Variants in DIS3L2 observed in about 807,000 individuals in gnomAD.
DIS3L2 encodes DIS3-like exonuclease 2.
DIS3L2 carries 34 observed loss-of-function variants against 97.5 expected under a neutral mutation model. That is an observed-to-expected ratio of 0.35 (90% CI 0.27 to 0.46). The LOEUF is 0.46. DIS3L2 is among the 20% of genes least tolerant of loss of function. The probability of loss-of-function intolerance (pLI) is 1.00; values close to 1 mark genes in which losing one functional copy is unlikely to be tolerated. For missense variants in DIS3L2, 1,038 were observed against 1,146.0 expected (o/e 0.91, Z 1.36); for synonymous variants, 435 against 445.2 (o/e 0.98, Z 0.29).
intron 7 of DIS3L2, 61 bp downstream of exon 7, chr2:232,130,780 A>G (rs762016460): frequency 6.3e-7 from 1 of 1,596,030 alleles, no homozygotes; most frequent in Non-Finnish European, 8.5e-7. Flanking sequence ...TACTTGTTGA[A>G]GATCTCGTGT....
At chr2:232,251,285 A>T (rs1052470298) in intron 12 of DIS3L2, among the ~76,000 whole-genome samples, 5 of 152,192 alleles carry the variant, frequency 3.3e-5, no homozygotes, top group Admixed American at 2.0e-4. Context: ...GAATTTTTTT[A>T]AAAAAGAAGG....
At chr2:232,103,951 G>A (rs571110456) in intron 6 of DIS3L2, among the ~76,000 whole-genome samples, 1 of 152,144 alleles carries the variant, frequency 6.6e-6, no homozygotes, top group Admixed American at 6.5e-5. Flanking sequence ...ATTTTCAGTT[G>A]TTTAGTTTCA....
At chr2:232,174,377 GGAGTTTGA>G (rs1190952724) in intron 9 of DIS3L2, among the ~76,000 whole-genome samples, 1 of 151,962 alleles carries the variant, frequency 6.6e-6, no homozygotes, top group African/African-American at 2.4e-5. Context: ...CTTGAGATCA[GGAGTTTGA>G]GACCAGCCTG....
At chr2:232,081,259 TG>T (rs1389572660) in intron 5 of DIS3L2, among the ~76,000 whole-genome samples, 2 of 152,172 alleles carry the variant, frequency 1.3e-5, no homozygotes, top group East Asian at 3.8e-4. Context: ...TATGTATCAG[TG>T]GGTTCAGGTA....
chr2:231,982,280 C>G (rs1489424562), intron 1 of DIS3L2, among the ~76,000 whole-genome samples: 1 of 152,064 alleles, frequency 6.6e-6, no homozygotes, highest in Non-Finnish European at 1.5e-5. Flanking sequence ...CTTTGCTTTC[C>G]TTACTTGGCT....
chr2:232,334,053 G>T (rs547392606), intron 17 of DIS3L2, 66 bp downstream of exon 17: 3 of 1,545,344 alleles, frequency 1.9e-6, no homozygotes, highest in Non-Finnish European at 8.7e-7. Flanking sequence ...CCCACAGTGG[G>T]TGCTCAGTGG....
intron 17 of DIS3L2, among the ~76,000 whole-genome samples, 154 bp downstream of exon 17, chr2:232,334,141 C>G (rs1373026968): frequency 6.6e-6 from 1 of 152,206 alleles, no homozygotes. Flanking sequence ...CCTGGAAACT[C>G]TCCCTACGGG....
chr2:232,075,864 C>A (rs1032787132), intron 5 of DIS3L2, among the ~76,000 whole-genome samples: 1 of 152,194 alleles, frequency 6.6e-6, no homozygotes, highest in East Asian at 1.9e-4. Flanking sequence ...GTTCCAGGCA[C>A]CTGTGCTAAG....
chr2:232,287,647 C>T (rs906176773), intron 13 of DIS3L2, among the ~76,000 whole-genome samples: 3 of 152,060 alleles, frequency 2.0e-5, no homozygotes, highest in Non-Finnish European at 4.4e-5. Context: ...TCCATCTCAG[C>T]TCCCAAAGTG....
intron 9 of DIS3L2, among the ~76,000 whole-genome samples, chr2:232,182,060 G>A (rs1691296316): frequency 6.6e-6 from 1 of 152,058 alleles, no homozygotes; most frequent in Non-Finnish European, 1.5e-5. Context: ...TTTTATAAAG[G>A]CATTTACAGC....
At position 232,244,342 on chromosome 2, in the gene DIS3L2, G is replaced by A. The variant is rs1693187270; in HGVS notation, c.1318-4897G>A. ...CATGGGTGTGGTGTTTTGATTTTTG[G>A]TGGTTTTGAGGGAGGGGTGGTCGTT... On this transcript the variant is annotated intron_variant, in intron 11 of 20. Transcript: ENST00000325385. Among the ~76,000 whole-genome samples, 3 of 152,170 alleles carry A rather than the reference G, an allele frequency of 2.0e-5. 1 individual carries two copies. Among genetic ancestry groups the A allele is most frequent in the South Asian group, 4.1e-4 (2 of 4,824 alleles).
At position 232,335,847 on chromosome 2, in the gene DIS3L2, G is replaced by A. The variant is rs1168703711; in HGVS notation, c.2469G>A (p.Glu823=). The change falls in exon 20 of 21, where the codon GAG becomes GAA. Residue 823 remains glutamate (E), a synonymous_variant. Transcript: ENST00000325385. ...KPELTLVWEP[E]DMEQEPAQQV... ...AACTCACGCTGGTCTGGGAGCCTGA[G>A]GACATGGAGCAGGAGCCAGCACAGC... 15 of 1,550,758 alleles carry A rather than the reference G, an allele frequency of 9.7e-6. No individual in the cohort carries two copies. The highest frequency in any genetic ancestry group is 1.2e-5 in the Non-Finnish European group (14 of 1,147,060).
rs185443561 is a variant in DIS3L2, at chr2:232,298,607, C to T, written c.1660-1433C>T. Among the ~76,000 whole-genome samples the T allele has an allele frequency of 1.9e-3, 288 of 152,130 alleles. 3 individuals are homozygous for T. The highest frequency in any genetic ancestry group is 6.5e-3 in the African/African-American group (269 of 41,490). On this transcript the variant is annotated intron_variant, in intron 13 of 20. Transcript: ENST00000325385. ...AGAGGACAAACCATTCCTGTGAGTT[C>T]CTTTCCCACTAAGGAAGAGAAAAAT...
intron 3 of DIS3L2, among the ~76,000 whole-genome samples, chr2:232,017,533 C>T (rs1003616713): frequency 3.3e-5 from 5 of 152,158 alleles, no homozygotes; most frequent in African/African-American, 1.2e-4. Flanking sequence ...CAGCCCATAT[C>T]CCAAACACCA....
At chr2:232,163,692 G>A in intron 9 of DIS3L2, 60 bp downstream of exon 9, 6 of 1,536,392 alleles carry the variant, frequency 3.9e-6, no homozygotes, top group Non-Finnish European at 4.4e-6. Context: ...CTTTCCTAGG[G>A]GCTAGGCTTA....
chr2:232,159,711 A>G (rs933352721), intron 8 of DIS3L2, among the ~76,000 whole-genome samples: 2 of 152,192 alleles, frequency 1.3e-5, no homozygotes, highest in Admixed American at 1.3e-4. Flanking sequence ...CTCCAAGGGA[A>G]AGCATTTCAC....
intron 13 of DIS3L2, among the ~76,000 whole-genome samples, chr2:232,287,541 G>C (rs138672427): frequency 1.3e-5 from 2 of 151,880 alleles, no homozygotes; most frequent in African/African-American, 4.8e-5. Context: ...TGGGACCACA[G>C]GTGCATGCCT....
chr2:232,140,687 A>G (rs1232113414), intron 8 of DIS3L2, among the ~76,000 whole-genome samples: 1 of 152,224 alleles, frequency 6.6e-6, no homozygotes, highest in African/African-American at 2.4e-5. Context: ...TAGGTAGGAC[A>G]TGGAGCTTGG....
chr2:232,193,911 C>T (rs1442973275), intron 9 of DIS3L2, among the ~76,000 whole-genome samples: 2 of 152,108 alleles, frequency 1.3e-5, no homozygotes, highest in East Asian at 1.9e-4. Flanking sequence ...GAGTTGAAGA[C>T]CAGCCTGGCC....
Sources: gnomAD v4.1 joint callset for allele counts (sites outside exome capture counted in the v4.1 genomes callset) on GRCh38, gnomAD v4.1.1 for gene constraint, MANE v1.5 for transcripts, NCBI Gene and HGNC (gene_info 2026-07-23, HGNC 2026-07-21) for gene names.